The following CDH4 variants were observed in gnomAD, a reference collection of about 807,000 sequenced individuals.
The protein encoded by CDH4 is cadherin-4.
Under a neutral mutation model 86.0 loss-of-function variants are expected in CDH4, and 33 were observed. The observed-to-expected ratio is 0.38, with a 90% confidence interval of 0.29 to 0.51. The LOEUF is 0.51. Ranked by LOEUF, CDH4 falls within the 20% of genes least tolerant of loss-of-function variation. CDH4 has a pLI of 0.86. For synonymous variants in CDH4, 555 were observed against 549.4 expected (o/e 1.01, Z -0.14); for missense variants, 1,114 against 1,307.4 (o/e 0.85, Z 2.28).
At chr20:61,560,907 C>G (rs910717397) in intron 2 of CDH4, among the ~76,000 whole-genome samples, 7 of 152,214 alleles carry the variant, frequency 4.6e-5, no homozygotes, top group Admixed American at 3.3e-4. Context: ...TCTCCCCAAC[C>G]CGGATGAGAG....
intron 2 of CDH4, among the ~76,000 whole-genome samples, chr20:61,617,492 C>T (rs562166514): frequency 5.6e-4 from 85 of 152,322 alleles, no homozygotes; most frequent in African/African-American, 1.9e-3. Flanking sequence ...CCCCATTCCC[C>T]GTTTTCAAGA....
At chr20:61,404,155 C>T (rs1057489383) in intron 2 of CDH4, among the ~76,000 whole-genome samples, 10 of 151,968 alleles carry the variant, frequency 6.6e-5, no homozygotes, top group Non-Finnish European at 5.9e-5. Context: ...TACAGCCAGG[C>T]GGGTACAGGG....
rs1171206196 is a variant in CDH4, at chr20:61,518,739, A to T, written c.170-224824A>T. Among the ~76,000 whole-genome samples the T allele has an allele frequency of 1.3e-5, 2 of 149,794 alleles. No homozygotes were observed. The highest frequency in any genetic ancestry group is 4.9e-5 in the African/African-American group (2 of 40,428). On this transcript the variant is annotated intron_variant, in intron 2 of 15. Transcript: ENST00000614565. This position sits in a 1 kb window ranked among gnomAD's most constrained non-coding sequence, Gnocchi z 6.3. Reference sequence around the variant, plus strand: ...CCATCCGTTCATCCACCCATCATCCATTCATCCATCCATTCGTACATCCAC... The same window carrying T: ...CCATCCGTTCATCCACCCATCATCCTTTCATCCATCCATTCGTACATCCAC...
chr20:61,723,873 C>CAACAGGTGGGGTGGGTCCCCATGCAGGG (rs1568778658), intron 2 of CDH4, among the ~76,000 whole-genome samples: 7 of 151,830 alleles, frequency 4.6e-5, no homozygotes, highest in African/African-American at 9.7e-5. Context: ...CGGCTCCATG[C>CAACAGGTGGGGTGGGTCCCCATGCAGGG]GGCAGGTGGG....
intron 2 of CDH4, among the ~76,000 whole-genome samples, chr20:61,705,751 G>T (rs528521226): frequency 6.6e-6 from 1 of 152,370 alleles, no homozygotes; most frequent in South Asian, 2.1e-4. Flanking sequence ...CTTTGAGTGT[G>T]AGCCCAGTGA....
At chr20:61,511,326 T>C (rs779762372) in intron 2 of CDH4, among the ~76,000 whole-genome samples, 4 of 152,224 alleles carry the variant, frequency 2.6e-5, no homozygotes, top group Non-Finnish European at 5.9e-5. Flanking sequence ...TCTTACGTTT[T>C]CTGCATCCCC....
chr20:61,601,250 C>T (rs2086598170), intron 2 of CDH4, among the ~76,000 whole-genome samples: 1 of 152,052 alleles, frequency 6.6e-6, no homozygotes, highest in Non-Finnish European at 1.5e-5. Flanking sequence ...TTTAAACAAC[C>T]GGCTCTCATG....
intron 6 of CDH4, among the ~76,000 whole-genome samples, chr20:61,859,643 C>T (rs1263558581): frequency 6.6e-6 from 1 of 152,242 alleles, no homozygotes; most frequent in Non-Finnish European, 1.5e-5. Context: ...CAGCGCCATA[C>T]ATTGAAAGGC....
chr20:61,890,387 A>G (rs1372939371), intron 7 of CDH4, among the ~76,000 whole-genome samples: 1 of 147,514 alleles, frequency 6.8e-6, no homozygotes, highest in African/African-American at 2.5e-5. Flanking sequence ...CAGATGGTGG[A>G]TGGTAGATGG....
At position 61,393,104 on chromosome 20, in the gene CDH4, T is replaced by G. The variant is rs2084995866; in HGVS notation, c.169+138167T>G. Among the ~76,000 whole-genome samples the G allele has an allele frequency of 6.6e-6, 1 of 150,974 alleles. No individual in the cohort carries two copies. The highest frequency in any genetic ancestry group is 2.2e-4 in the South Asian group (1 of 4,582). On this transcript the variant is annotated intron_variant, in intron 2 of 15. Coordinates refer to ENST00000614565, the MANE Select transcript of CDH4 (RefSeq NM_001794.5). This position sits in a 1 kb window ranked among gnomAD's most constrained non-coding sequence, Gnocchi z 4.3. ...TCTTACTGAATTGATTCCCACTGAA[T>G]CTCTGTAGAAATATCCTCTTTATTA...
intron 2 of CDH4, among the ~76,000 whole-genome samples, chr20:61,735,733 C>T (rs78389607): frequency 3.3e-5 from 5 of 152,340 alleles, no homozygotes; most frequent in South Asian, 2.1e-4. Flanking sequence ...ATGGAGGAAT[C>T]GACTTCCCTG....
intron 11 of CDH4, among the ~76,000 whole-genome samples, chr20:61,926,093 G>T (rs527373085): frequency 6.6e-6 from 1 of 152,228 alleles, no homozygotes; most frequent in South Asian, 2.1e-4. Context: ...GCCCCAAGGA[G>T]ACCGGAGAGA....
chr20:61,280,736 C>T (rs1355417687), intron 2 of CDH4, among the ~76,000 whole-genome samples: 2 of 152,152 alleles, frequency 1.3e-5, no homozygotes, highest in Non-Finnish European at 1.5e-5. Flanking sequence ...GTTCCAGCAC[C>T]CCTGGGCTAA....
intron 2 of CDH4, among the ~76,000 whole-genome samples, chr20:61,565,856 G>A (rs1029115667): frequency 2.0e-5 from 3 of 152,202 alleles, no homozygotes; most frequent in African/African-American, 7.2e-5. Flanking sequence ...GCTGTCATGA[G>A]GTTGCTGCCG....
chr20:61,698,988 T>G (rs1383905073), intron 2 of CDH4, among the ~76,000 whole-genome samples: 1 of 152,246 alleles, frequency 6.6e-6, no homozygotes, highest in Non-Finnish European at 1.5e-5. Flanking sequence ...CCGTTACAGA[T>G]TCACCCACTT....
At chr20:61,383,448 TTCATATATATGAA>T (rs2084923306) in intron 2 of CDH4, among the ~76,000 whole-genome samples, 1 of 58,552 alleles carries the variant, frequency 1.7e-5, no homozygotes, top group Admixed American at 1.7e-4. Flanking sequence ...TGAATATATA[TTCATATATATGAA>T]GATATATATG....
intron 3 of CDH4, among the ~76,000 whole-genome samples, chr20:61,751,056 C>T (rs1003385477): frequency 6.6e-6 from 1 of 152,146 alleles, no homozygotes; most frequent in Non-Finnish European, 1.5e-5. Flanking sequence ...GTCAACACAA[C>T]CTCAATAAAA....
intron 2 of CDH4, among the ~76,000 whole-genome samples, chr20:61,655,560 G>C (rs1219812814): frequency 2.0e-5 from 3 of 152,230 alleles, no homozygotes; most frequent in African/African-American, 7.2e-5. Context: ...TTCTGGCTGG[G>C]CCCTAGCTTC....
intron 2 of CDH4, among the ~76,000 whole-genome samples, chr20:61,378,857 C>A (rs373475967): frequency 2.6e-5 from 4 of 152,256 alleles, no homozygotes; most frequent in East Asian, 3.9e-4. Flanking sequence ...CACTTGATGT[C>A]CCAAAGGTAG....
Sources: gnomAD v4.1 joint callset for allele counts (sites outside exome capture counted in the v4.1 genomes callset) on GRCh38, gnomAD v4.1.1 for gene constraint, Gnocchi (gnomAD v3.1) non-coding constraint, MANE v1.5 for transcripts, NCBI Gene and HGNC (gene_info 2026-07-23, HGNC 2026-07-21) for gene names.